The following SRD5A2 variants were observed in gnomAD, a reference collection of about 807,000 sequenced individuals.
SRD5A2 encodes 3-oxo-5-alpha-steroid 4-dehydrogenase 2.
SRD5A2 carries 30 observed loss-of-function variants against 27.4 expected under a neutral mutation model. That is an observed-to-expected ratio of 1.10 (90% CI 0.82 to 1.49). The LOEUF is 1.49. Among genes scored for constraint, SRD5A2 ranks in the 40% most tolerant of loss-of-function variants. SRD5A2 has a pLI of 0.00. For missense variants in SRD5A2, 348 were observed against 323.4 expected, an observed-to-expected ratio of 1.08 and a Z score of -0.58; for synonymous variants, 141 against 133.6, an observed-to-expected ratio of 1.06 and a Z score of -0.38.
chr2:31,558,367 T>C (rs1195857198), intron 1 of SRD5A2, among the ~76,000 whole-genome samples: 4 of 152,228 alleles, frequency 2.6e-5, no homozygotes, highest in African/African-American at 9.6e-5. Context: ...AAATGTATTG[T>C]CTCACAGTTC....
the SRD5A2 span, among the ~76,000 whole-genome samples, chr2:31,642,907 T>C: frequency 6.6e-6 from 1 of 152,114 alleles, no homozygotes; most frequent in South Asian, 2.1e-4. Context: ...ATAGACATTA[T>C]GCTATGTATG....
chr2:31,541,712 G>T (rs1275122477), intron 1 of SRD5A2, among the ~76,000 whole-genome samples: 1 of 152,168 alleles, frequency 6.6e-6, no homozygotes, highest in African/African-American at 2.4e-5. Flanking sequence ...TGCCAATGAT[G>T]CCCCTCCCCT....
the SRD5A2 span, among the ~76,000 whole-genome samples, chr2:31,657,636 G>A: frequency 2.0e-5 from 3 of 152,024 alleles, no homozygotes; most frequent in Admixed American, 2.0e-4. Context: ...ATCATATTAT[G>A]ACATGTCATG....
At chr2:31,580,504 C>G (rs1417687599) in intron 1 of SRD5A2, 116 bp downstream of exon 1, 1 of 1,308,088 alleles carries the variant, frequency 7.6e-7, no homozygotes, top group Non-Finnish European at 1.0e-6. Flanking sequence ...CCGCGTTCCT[C>G]ACAGCGCCCC....
chr2:31,590,000 C>T, the SRD5A2 span, among the ~76,000 whole-genome samples: 1 of 152,168 alleles, frequency 6.6e-6, no homozygotes, highest in Non-Finnish European at 1.5e-5. Flanking sequence ...TGTTTTCCCC[C>T]GCTTCCCTGG....
At chr2:31,568,961 G>T (rs531550006) in intron 1 of SRD5A2, among the ~76,000 whole-genome samples, 177 of 152,384 alleles carry the variant, frequency 1.2e-3, no homozygotes, top group African/African-American at 4.1e-3. Context: ...CCTAGAGTGG[G>T]AAGAGGCCAA....
At chr2:31,582,118 C>A (rs1304383350), upstream of SRD5A2, among the ~76,000 whole-genome samples, 2 of 152,182 alleles carry the variant, frequency 1.3e-5, no homozygotes, top group African/African-American at 4.8e-5. Flanking sequence ...ATTACTTTAT[C>A]CCTGTTTTCT....
the SRD5A2 span, among the ~76,000 whole-genome samples, chr2:31,650,985 C>T: frequency 6.6e-6 from 1 of 152,166 alleles, no homozygotes; most frequent in South Asian, 2.1e-4. Context: ...AGCAAACAGA[C>T]TGGTTGACTA....
the SRD5A2 span, among the ~76,000 whole-genome samples, chr2:31,661,170 GT>G: frequency 6.6e-6 from 1 of 152,130 alleles, no homozygotes; most frequent in East Asian, 1.9e-4. Flanking sequence ...ACTTTTTCAT[GT>G]AAAGCCAAGA....
the SRD5A2 span, among the ~76,000 whole-genome samples, chr2:31,609,498 G>A: frequency 1.3e-5 from 2 of 152,126 alleles, no homozygotes; most frequent in East Asian, 1.9e-4. Context: ...AGGTTGTCAA[G>A]ATCATTCGAT....
chr2:31,644,705 A>G, the SRD5A2 span, among the ~76,000 whole-genome samples: 6 of 152,222 alleles, frequency 3.9e-5, no homozygotes, highest in African/African-American at 1.4e-4. Context: ...TATAAAGGAC[A>G]TATTGGAAAC....
At chr2:31,567,741 C>A (rs1015569140) in intron 1 of SRD5A2, among the ~76,000 whole-genome samples, 1 of 152,124 alleles carries the variant, frequency 6.6e-6, no homozygotes, top group Admixed American at 6.5e-5. Context: ...CATTTGTATA[C>A]AAGTCTTTGT....
At chr2:31,626,854 A>G in the SRD5A2 span, among the ~76,000 whole-genome samples, 2 of 152,176 alleles carry the variant, frequency 1.3e-5, no homozygotes, top group African/African-American at 2.4e-5. Flanking sequence ...CTTTGGTATC[A>G]GGATGATGCT....
upstream of SRD5A2, chr2:31,581,057 C>T (rs1425835224): frequency 1.2e-5 from 8 of 694,712 alleles, no homozygotes; most frequent in Non-Finnish European, 1.6e-5. Flanking sequence ...CCAGCCCTGG[C>T]GCGGTTCGCA....
chr2:31,574,273 T>A (rs1666910505), intron 1 of SRD5A2, among the ~76,000 whole-genome samples: 2 of 152,192 alleles, frequency 1.3e-5, no homozygotes, highest in South Asian at 2.1e-4. Context: ...CTCCTATGAC[T>A]CCCATGAGAC....
At chr2:31,596,296 G>A in the SRD5A2 span, among the ~76,000 whole-genome samples, 1 of 149,920 alleles carries the variant, frequency 6.7e-6, no homozygotes, top group Non-Finnish European at 1.5e-5. Flanking sequence ...GCTGAGACAG[G>A]AGAATCACTT....
At chr2:31,566,625 A>G in intron 1 of SRD5A2, among the ~76,000 whole-genome samples, 1 of 152,204 alleles carries the variant, frequency 6.6e-6, no homozygotes, top group East Asian at 1.9e-4. Flanking sequence ...ACATCTTGAT[A>G]CAAAGGAGAA....
chr2:31,577,972 G>T (rs1163247852), intron 1 of SRD5A2, among the ~76,000 whole-genome samples: 1 of 152,016 alleles, frequency 6.6e-6, no homozygotes, highest in African/African-American at 2.4e-5. Context: ...GAATATATAG[G>T]TAAATTATTA....
At chr2:31,538,830 G>T (rs1218658527) in intron 1 of SRD5A2, among the ~76,000 whole-genome samples, 1 of 152,148 alleles carries the variant, frequency 6.6e-6, no homozygotes, top group Non-Finnish European at 1.5e-5. Context: ...TACTTTCTGT[G>T]TTTATTGTCC....
Sources: gnomAD v4.1 joint callset for allele counts (sites outside exome capture counted in the v4.1 genomes callset) on GRCh38, gnomAD v4.1.1 for gene constraint, MANE v1.5 for transcripts, NCBI Gene and HGNC (gene_info 2026-07-23, HGNC 2026-07-21) for gene names.